Variants in SLC14A2 observed in about 807,000 individuals in gnomAD.
The protein encoded by SLC14A2 is solute carrier family 14 member 2.
Under a neutral mutation model 104.6 loss-of-function variants are expected in SLC14A2, and 91 were observed. The ratio of observed to expected loss-of-function variants is 0.87; its 90% CI spans 0.73 to 1.04. The LOEUF (loss-of-function observed/expected upper bound fraction) is 1.04. Among genes scored for constraint, SLC14A2 ranks in the 50% least tolerant of loss-of-function variants. The pLI is 0.00. For synonymous variants in SLC14A2, 476 were observed against 466.4 expected (o/e 1.02, Z -0.27); for missense variants, 1,189 against 1,156.0 (o/e 1.03, Z -0.41).
At chr18:45,638,814 C>T (rs1244786281) in intron 6 of SLC14A2, among the ~76,000 whole-genome samples, 1 of 152,206 alleles carries the variant, frequency 6.6e-6, no homozygotes, top group African/African-American at 2.4e-5. Context: ...TTGTTACAGA[C>T]GAGGATGTGA....
intron 1 of SLC14A2, among the ~76,000 whole-genome samples, chr18:45,226,075 A>G (rs958490632): frequency 6.6e-6 from 1 of 152,196 alleles, no homozygotes; most frequent in African/African-American, 2.4e-5. Context: ...AAAAATGCTC[A>G]TCATCACTGG....
chr18:45,554,368 C>T (rs566740090), intron 2 of SLC14A2, among the ~76,000 whole-genome samples: 2 of 152,310 alleles, frequency 1.3e-5, no homozygotes, highest in Non-Finnish European at 2.9e-5. Context: ...ACCTTTCAGG[C>T]AAGACCTAAT....
intron 1 of SLC14A2, among the ~76,000 whole-genome samples, chr18:45,304,537 T>C (rs1378952929): frequency 1.3e-5 from 2 of 152,252 alleles, no homozygotes; most frequent in African/African-American, 4.8e-5. Flanking sequence ...CTTCAGACTT[T>C]TCTGCCACTT....
At position 45,274,112 on chromosome 18, in the gene SLC14A2, C is replaced by T. The variant is rs1386775417; in HGVS notation, c.-125+60921C>T. Among the ~76,000 whole-genome samples, 4 of 152,092 alleles carry T rather than the reference C, an allele frequency of 2.6e-5. No individual in the cohort carries two copies. The East Asian group carries it at 7.7e-4, about 29-fold the overall frequency. On this transcript the variant is annotated intron_variant, in intron 1 of 20. Coordinates refer to the SLC14A2 transcript ENST00000586448. ...TCCCTTGTATTGGTGATAGCACAAC[C>T]TAACTTGACCAACAATGACACCCAC...
intron 1 of SLC14A2, among the ~76,000 whole-genome samples, chr18:45,311,426 A>G (rs1204770494): frequency 6.6e-6 from 1 of 152,194 alleles, no homozygotes; most frequent in African/African-American, 2.4e-5. Context: ...AAAGGTTAAA[A>G]GACTTGCCCA....
chr18:45,573,750 T>C (rs1268257507), intron 2 of SLC14A2, among the ~76,000 whole-genome samples: 3 of 152,230 alleles, frequency 2.0e-5, no homozygotes, highest in Non-Finnish European at 4.4e-5. Context: ...TTTCTACATA[T>C]CAACTTTATG....
At chr18:45,673,591 T>G in intron 17 of SLC14A2, 92 bp from the exon 18 acceptor site, 1 of 1,407,546 alleles carries the variant, frequency 7.1e-7, no homozygotes, top group African/African-American at 1.4e-5. Flanking sequence ...GATAACTGGC[T>G]CCGGGCTTTG....
At chr18:45,339,676 G>A (rs1367220399) in intron 1 of SLC14A2, among the ~76,000 whole-genome samples, 1 of 152,212 alleles carries the variant, frequency 6.6e-6, no homozygotes, top group Non-Finnish European at 1.5e-5. Flanking sequence ...AATGAAAAGA[G>A]CATCAGCTGA....
chr18:45,198,054 T>G, the SLC14A2 span, among the ~76,000 whole-genome samples: 4 of 152,142 alleles, frequency 2.6e-5, no homozygotes, highest in African/African-American at 9.7e-5. Flanking sequence ...ATTGGTATAA[T>G]AAGAGAAAAA....
chr18:45,306,191 A>G (rs1484968478), intron 1 of SLC14A2, among the ~76,000 whole-genome samples: 1 of 152,124 alleles, frequency 6.6e-6, no homozygotes, highest in African/African-American at 2.4e-5. Flanking sequence ...CACTGCAGTG[A>G]GAGGGAATGT....
intron 1 of SLC14A2, among the ~76,000 whole-genome samples, chr18:45,371,436 A>G (rs2085721317): frequency 1.3e-5 from 2 of 152,250 alleles, no homozygotes; most frequent in South Asian, 2.1e-4. Context: ...GCTGATATGT[A>G]TTGAACCCTA....
At chr18:45,597,643 G>A (rs1382829473) in intron 2 of SLC14A2, among the ~76,000 whole-genome samples, 1 of 152,198 alleles carries the variant, frequency 6.6e-6, no homozygotes, top group Non-Finnish European at 1.5e-5. Flanking sequence ...TTGTGTCTGA[G>A]TGAGCTGGGA....
intron 2 of SLC14A2, among the ~76,000 whole-genome samples, chr18:45,571,420 C>A (rs927370816): frequency 1.3e-5 from 2 of 152,238 alleles, no homozygotes; most frequent in Non-Finnish European, 2.9e-5. Flanking sequence ...AGATGCTATG[C>A]CACAAAGCCC....
At chr18:45,681,443 A>T (rs2144671264) in intron 19 of SLC14A2, among the ~76,000 whole-genome samples, 1 of 152,378 alleles carries the variant, frequency 6.6e-6, no homozygotes, top group African/African-American at 2.4e-5. Flanking sequence ...CTGAAGTTGC[A>T]GGCTCATTGT....
intron 1 of SLC14A2, among the ~76,000 whole-genome samples, chr18:45,460,217 G>A (rs2087019621): frequency 1.3e-5 from 2 of 152,164 alleles, no homozygotes; most frequent in Non-Finnish European, 2.9e-5. Flanking sequence ...ACCATTTCAG[G>A]CAGCCACCAA....
intron 1 of SLC14A2, among the ~76,000 whole-genome samples, chr18:45,277,165 C>A (rs2084711264): frequency 6.6e-6 from 1 of 152,198 alleles, no homozygotes; most frequent in Non-Finnish European, 1.5e-5. Flanking sequence ...AAATAACCTA[C>A]ATATAGCATC....
chr18:45,270,927 C>A (rs1381561586), intron 1 of SLC14A2, among the ~76,000 whole-genome samples: 3 of 152,072 alleles, frequency 2.0e-5, no homozygotes, highest in Non-Finnish European at 4.4e-5. Context: ...AGTGAGAAAG[C>A]CTGAAAGAAA....
intron 1 of SLC14A2, among the ~76,000 whole-genome samples, chr18:45,439,170 T>C (rs941790804): frequency 3.3e-5 from 5 of 152,092 alleles, no homozygotes; most frequent in Non-Finnish European, 7.4e-5. Flanking sequence ...ACCTAGCTAC[T>C]TGGGAGGCTG....
intron 8 of SLC14A2, among the ~76,000 whole-genome samples, chr18:45,642,195 C>T (rs1439000604): frequency 6.6e-6 from 1 of 152,222 alleles, no homozygotes; most frequent in Non-Finnish European, 1.5e-5. Flanking sequence ...AAACAGAAGA[C>T]TAGCGTCTGG....
Sources: allele counts gnomAD v4.1 joint callset (sites outside exome capture counted in the v4.1 genomes callset), GRCh38; gene constraint gnomAD v4.1.1; transcripts MANE v1.5; gene names NCBI Gene and HGNC (gene_info 2026-07-23, HGNC 2026-07-21).